GLRA2: variants seen among roughly 807,000 people sequenced by gnomAD.
GLRA2 encodes the protein glycine receptor alpha 2.
GLRA2 carries 11 observed loss-of-function variants against 31.6 expected under a neutral mutation model. That is an observed-to-expected ratio of 0.35 (90% CI 0.22 to 0.58). GLRA2 has a LOEUF of 0.58. Ranked by LOEUF, GLRA2 falls within the 20% of genes least tolerant of loss-of-function variation. The pLI, the probability that GLRA2 is intolerant of heterozygous loss-of-function variation, is 0.84. For synonymous variants in GLRA2, 132 were observed against 134.0 expected (o/e 0.99, Z 0.10); for missense variants, 212 against 351.8 (o/e 0.60, Z 3.18).
chrX:14,583,990 A>T (rs778149177), intron 4 of GLRA2, among the ~76,000 whole-genome samples: 1 of 111,111 alleles, frequency 9.0e-6, no homozygotes, highest in Non-Finnish European at 1.9e-5. Flanking sequence ...ATAAGTGGGA[A>T]CTAAGCATTG....
the GLRA2 span, among the ~76,000 whole-genome samples, chrX:14,517,973 C>G: frequency 6.3e-5 from 7 of 110,630 alleles, no homozygotes; most frequent in South Asian, 2.7e-3. Flanking sequence ...AAGACATAAA[C>G]TGGCAAAGCA....
the GLRA2 span, among the ~76,000 whole-genome samples, chrX:14,518,928 C>T: frequency 7.0e-5 from 7 of 99,617 alleles, no homozygotes; most frequent in South Asian, 3.6e-3. Flanking sequence ...AGGAGAATGG[C>T]GTGAACCCAG....
At chrX:14,588,283 G>T (rs6526752) in intron 4 of GLRA2, among the ~76,000 whole-genome samples, 43,625 of 110,577 alleles carry the variant, frequency 0.39, 7,773 homozygotes, top group African/African-American at 0.71. Context: ...TATAGTAAAA[G>T]GTGGTAGTCC....
intron 2 of GLRA2, among the ~76,000 whole-genome samples, chrX:14,545,213 T>C (rs964842529): frequency 8.9e-6 from 1 of 111,754 alleles, no homozygotes; most frequent in African/African-American, 3.3e-5. Context: ...AGATTCGAGA[T>C]TTATTTCTTA....
chrX:14,564,168 C>G (rs1025641982), intron 2 of GLRA2, among the ~76,000 whole-genome samples: 3 of 111,113 alleles, frequency 2.7e-5, no homozygotes, highest in Non-Finnish European at 5.7e-5. Context: ...TATAATCAAA[C>G]TGTCGAAAGC....
intron 4 of GLRA2, among the ~76,000 whole-genome samples, chrX:14,591,810 A>G (rs887022336): frequency 8.9e-6 from 1 of 111,921 alleles, no homozygotes; most frequent in African/African-American, 3.2e-5. Flanking sequence ...CTTGTCCTTA[A>G]CTGTTTACGT....
At chrX:14,512,034 G>A in the GLRA2 span, among the ~76,000 whole-genome samples, 1 of 111,641 alleles carries the variant, frequency 9.0e-6, no homozygotes, top group African/African-American at 3.2e-5. Flanking sequence ...GTTTATGAAA[G>A]ATATACATGT....
rs1166944562 is a variant in GLRA2, at chrX:14,610,211, T to C, written c.930+1006T>C. 6.2e-5 allele frequency among the ~76,000 whole-genome samples: 7 copies of C among 112,210 alleles called. No individual in the cohort carries two copies. In the Admixed American group the frequency reaches 6.6e-4, roughly 11 times the overall value. ...TTCCATATTTTTGCTGGCTTGAGTTTATGTTTGGTTGTGCTGAATTTGACA... is the reference window on the plus strand; with the variant it reads ...TTCCATATTTTTGCTGGCTTGAGTTCATGTTTGGTTGTGCTGAATTTGACA... On this transcript the variant is annotated intron_variant, in intron 7 of 8. Coordinates refer to ENST00000218075, the MANE Select transcript of GLRA2 (RefSeq NM_002063.4).
At chrX:14,688,506 G>A (rs904898894) in intron 7 of GLRA2, among the ~76,000 whole-genome samples, 9 of 111,267 alleles carry the variant, frequency 8.1e-5, no homozygotes, top group African/African-American at 2.6e-4. Flanking sequence ...AATGACAGGC[G>A]CCCATTCCCC....
the GLRA2 span, among the ~76,000 whole-genome samples, chrX:14,468,031 G>A: frequency 9.0e-6 from 1 of 111,480 alleles, no homozygotes; most frequent in East Asian, 2.8e-4. Flanking sequence ...ATGTTAGGTT[G>A]ACTTGAATAT....
At position 14,624,859 on chromosome X, in the gene GLRA2, A is replaced by G. The variant is rs193077153; in HGVS notation, c.930+15654A>G. Among the ~76,000 whole-genome samples, 789 of 111,789 alleles carry G rather than the reference A, an allele frequency of 7.1e-3. 8 individuals carry two copies. The highest frequency in any genetic ancestry group is 0.025 in the African/African-American group (760 of 30,795). On this transcript the variant is annotated intron_variant, in intron 7 of 8. Transcript: ENST00000218075. The stretch of plus-strand genomic sequence containing the variant: ...GGGGTGGAGAGTTCTGTAGATGTCT[A>G]TTAGGTCTGCTTGGTGCAGAGCTGA...
At chrX:14,636,507 C>G (rs1432856729) in intron 7 of GLRA2, among the ~76,000 whole-genome samples, 1 of 110,893 alleles carries the variant, frequency 9.0e-6, no homozygotes, top group Non-Finnish European at 1.9e-5. Flanking sequence ...GGACATGTTA[C>G]AAAATACCTG....
At chrX:14,561,525 A>G (rs761723974) in intron 2 of GLRA2, among the ~76,000 whole-genome samples, 4 of 112,563 alleles carry the variant, frequency 3.6e-5, no homozygotes, top group African/African-American at 9.7e-5. Context: ...TAGTTATGAC[A>G]GAGGCCTTGT....
intron 7 of GLRA2, among the ~76,000 whole-genome samples, chrX:14,688,906 G>A (rs1374484978): frequency 2.7e-5 from 3 of 111,649 alleles, no homozygotes; most frequent in Non-Finnish European, 5.7e-5. Context: ...GCTGGGAGCT[G>A]TAGACTGGAG....
At chrX:14,662,195 G>A (rs2090997552) in intron 7 of GLRA2, among the ~76,000 whole-genome samples, 1 of 109,723 alleles carries the variant, frequency 9.1e-6, no homozygotes, top group African/African-American at 3.3e-5. Context: ...TGACAAATGA[G>A]AATAAATTAT....
chrX:14,609,194 T>C lies in GLRA2; in HGVS notation c.919T>C (p.Ser307Pro). The change falls in exon 7 of 9, where the codon TCT becomes CCT. Residue 307 changes from serine (S) to proline (P), a missense_variant. Ser to Pro is a moderately conservative substitution (Grantham distance 74). Around this residue, in one of 5 missense-constraint regions of GLRA2, gnomAD observed 110 missense variants for 232.6 expected, o/e 0.47. Transcript: ENST00000218075. ...CACCCAGAGTTCAGGCTCCAGGGCATCTCTGCCAAAGGTAAGAAATCTTGC... is the reference window on the plus strand; with the variant it reads ...CACCCAGAGTTCAGGCTCCAGGGCACCTCTGCCAAAGGTAAGAAATCTTGC... ...MTTQSSGSRA[S>P]LPKVSYVKAI... The C allele has an allele frequency of 8.5e-7, 1 of 1,171,926 alleles. No individual in the cohort carries two copies. Among genetic ancestry groups the C allele is most frequent in the Non-Finnish European group, 1.2e-6 (1 of 861,024 alleles).
the GLRA2 span, among the ~76,000 whole-genome samples, chrX:14,493,717 A>ACG: frequency 2.1e-5 from 2 of 96,800 alleles, no homozygotes; most frequent in South Asian, 8.6e-4. Flanking sequence ...ACATGTATAC[A>ACG]TATATACGTG....
the GLRA2 span, among the ~76,000 whole-genome samples, chrX:14,518,279 A>C: frequency 8.9e-6 from 1 of 112,159 alleles, no homozygotes; most frequent in Non-Finnish European, 1.9e-5. Flanking sequence ...CAAGAGCATA[A>C]ATTTTATAAC....
the GLRA2 span, among the ~76,000 whole-genome samples, chrX:14,456,880 GA>G: frequency 8.9e-6 from 1 of 112,038 alleles, no homozygotes; most frequent in South Asian, 3.7e-4. Context: ...ACCCAGTAGT[GA>G]GATTGCTGGA....
Sources: gnomAD v4.1 joint callset for allele counts (sites outside exome capture counted in the v4.1 genomes callset) on GRCh38, gnomAD v4.1.1 for gene constraint, gnomAD v4.1.1 regional missense constraint, MANE v1.5 for transcripts, NCBI Gene and HGNC (gene_info 2026-07-23, HGNC 2026-07-21) for gene names.